CIDEB: variants seen among roughly 807,000 people sequenced by gnomAD.
CIDEB encodes the protein lipid transferase CIDEB.
CIDEB carries 27 observed loss-of-function variants against 22.4 expected under a neutral mutation model. The observed-to-expected ratio is 1.21, with a 90% CI of 0.89 to 1.66. CIDEB has a LOEUF of 1.66. Ranked by LOEUF, CIDEB falls within the 40% of genes most tolerant of loss-of-function variation. The pLI, the probability that CIDEB is intolerant of heterozygous loss-of-function variation, is 0.00. For synonymous variants in CIDEB, 103 were observed against 109.5 expected (o/e 0.94, Z 0.37); for missense variants, 289 against 268.7 (o/e 1.08, Z -0.53).
chr14:24,310,851 C>T, upstream of CIDEB: 1 of 1,593,182 alleles, frequency 6.3e-7, no homozygotes, highest in Admixed American at 1.7e-5. Context: ...GCTTGTGCTG[C>T]ACCTGGCGCT....
chr14:24,305,580 GTC>G lies in CIDEB; in HGVS notation c.*51_*52del. 6.3e-7 allele frequency: 1 copy of G among 1,579,042 alleles called. No individual in the cohort carries two copies. Among genetic ancestry groups the G allele is most frequent in the Non-Finnish European group, 8.6e-7 (1 of 1,164,148 alleles). ...GGTCCTGAAATTTGATGCTGTCATA[GTC>G]TTTGCAGTGGGTCGGTTGGAATGAT... On this transcript the variant is annotated 3_prime_UTR_variant, in exon 5 of 5. Transcript: ENST00000554411.
upstream of CIDEB, chr14:24,310,892 G>A (rs765401589): frequency 1.9e-6 from 3 of 1,592,440 alleles, no homozygotes; most frequent in East Asian, 4.5e-5. Context: ...TGCTCACGCC[G>A]CTCTTTGTGG....
chr14:24,310,528 C>A (rs747274089), upstream of CIDEB: 2 of 959,620 alleles, frequency 2.1e-6, no homozygotes, highest in Non-Finnish European at 1.7e-6. Flanking sequence ...AGTCAGGACT[C>A]CCAGGCAGAA....
upstream of CIDEB, chr14:24,310,885 T>C: frequency 6.3e-7 from 1 of 1,592,614 alleles, no homozygotes; most frequent in Non-Finnish European, 8.5e-7. Flanking sequence ...GTGCTGCTGC[T>C]CACGCCGCTC....
chr14:24,308,040 G>A (rs954667933), upstream of CIDEB: 4 of 632,074 alleles, frequency 6.3e-6, no homozygotes, highest in Non-Finnish European at 1.1e-5. Context: ...CCAAGGGGAG[G>A]GATGAGGGAG....
chr14:24,310,886 C>G, upstream of CIDEB: 1 of 1,592,736 alleles, frequency 6.3e-7, no homozygotes, highest in Non-Finnish European at 8.5e-7. Flanking sequence ...TGCTGCTGCT[C>G]ACGCCGCTCT....
chr14:24,307,959 C>T lies in CIDEB; in HGVS notation c.-101G>A, dbSNP rs1281389963. ...TTCTGTTACAAACCTGGGATCTCAG[C>T]CCAGGACAAGGTGGGAATGAGTCAA... is the stretch of plus-strand genomic sequence containing the variant. On this transcript the variant is annotated 5_prime_UTR_variant, in exon 1 of 5. Transcript: ENST00000554411. The T allele has an allele frequency of 1.8e-6, 2 of 1,123,770 alleles. No homozygotes were observed. The highest frequency in any genetic ancestry group is 2.0e-5 in the Admixed American group (1 of 50,188). The allele number at this position is 1,123,770 out of a possible 1,614,324, so 69.6% of individuals were successfully genotyped here.
upstream of CIDEB, chr14:24,311,119 TCGCCGTCCCGG>T (rs751330817): frequency 1.9e-6 from 3 of 1,578,308 alleles, no homozygotes; most frequent in Non-Finnish European, 2.6e-6. Flanking sequence ...GCCCTGTTGC[TCGCCGTCCCGG>T]CCGCCGTCTA....
In CIDEB at chr14:24,307,813, G is replaced by T; in HGVS notation, c.41+5C>A. The T allele has an allele frequency of 1.3e-6, 2 of 1,593,470 alleles. No homozygotes were observed. The highest frequency in any genetic ancestry group is 4.5e-5 in the East Asian group (2 of 44,218). On this transcript the variant is annotated splice_donor_5th_base_variant and intron_variant, in intron 1 of 4. Transcript: ENST00000554411. ...TGGAGGGTAGAGCGGAGGGTTAGCAGTCACCTGAGTAAGTCACTGGGGTTC... is the reference window on the plus strand; with the variant it reads ...TGGAGGGTAGAGCGGAGGGTTAGCATTCACCTGAGTAAGTCACTGGGGTTC...
upstream of CIDEB, chr14:24,308,024 C>A: frequency 1.5e-6 from 1 of 666,916 alleles, no homozygotes; most frequent in Non-Finnish European, 2.7e-6. Flanking sequence ...GTAAGAAGGG[C>A]AAAGTCCAAG....
chr14:24,309,955 C>T (rs2041636781), upstream of CIDEB: 1 of 156,736 alleles, frequency 6.4e-6, no homozygotes, highest in Admixed American at 6.4e-5. Context: ...GACCAGGATT[C>T]AGCAGAGTCC....
chr14:24,310,723 G>C, upstream of CIDEB: 1 of 1,612,726 alleles, frequency 6.2e-7, no homozygotes, highest in South Asian at 1.1e-5. Context: ...AAGACTTCGC[G>C]GGCCACAGGC....
upstream of CIDEB, chr14:24,310,847 G>T (rs781057522): frequency 1.9e-6 from 3 of 1,593,784 alleles, no homozygotes; most frequent in Non-Finnish European, 1.7e-6. Flanking sequence ...CCACGCTTGT[G>T]CTGCACCTGG....
chr14:24,309,358 CA>C (rs1189415001), upstream of CIDEB: 1 of 152,256 alleles, frequency 6.6e-6, no homozygotes, highest in Non-Finnish European at 1.5e-5. Flanking sequence ...TGGAAGAACC[CA>C]AACTAAGACA....
At chr14:24,307,588 G>A in intron 1 of CIDEB, 73 bp from the exon 2 acceptor site, 2 of 1,534,398 alleles carry the variant, frequency 1.3e-6, no homozygotes, top group Admixed American at 3.5e-5. Flanking sequence ...GATGAGGGTA[G>A]AGTGGCTAGA....
chr14:24,310,918 A>C (rs1566422369), upstream of CIDEB: 1 of 1,589,600 alleles, frequency 6.3e-7, no homozygotes, highest in Non-Finnish European at 8.5e-7. Flanking sequence ...CTGACCCGGC[A>C]GGCCTGGCCG....
upstream of CIDEB, chr14:24,311,366 C>G (rs1386192971): frequency 2.5e-6 from 4 of 1,604,356 alleles, no homozygotes; most frequent in Non-Finnish European, 3.4e-6. Context: ...TTGCCTTCGG[C>G]TTGCTCTGGG....
upstream of CIDEB, chr14:24,309,754 G>T (rs3742509): frequency 6.6e-6 from 1 of 152,540 alleles, no homozygotes; most frequent in East Asian, 1.9e-4. Flanking sequence ...TGAGGCAAGA[G>T]GTGGGAGGAG....
chr14:24,307,072 T>G, intron 2 of CIDEB: 1 of 312,520 alleles, frequency 3.2e-6, no homozygotes, highest in Non-Finnish European at 6.0e-6. Flanking sequence ...AGGCAGGAAG[T>G]GGCAGAATCA....
Sources: gnomAD v4.1 joint callset for allele counts on GRCh38, gnomAD v4.1.1 for gene constraint, MANE v1.5 for transcripts, NCBI Gene and HGNC (gene_info 2026-07-23, HGNC 2026-07-21) for gene names.